Variants in TXLNB observed in about 807,000 individuals in gnomAD.
The protein encoded by TXLNB is beta-taxilin.
A neutral mutation model predicts 57.4 loss-of-function variants in TXLNB; 37 were observed. The ratio of observed to expected loss-of-function variants is 0.64; its 90% confidence interval spans 0.50 to 0.85. The LOEUF (loss-of-function observed/expected upper bound fraction) is 0.85. Ranked by LOEUF, TXLNB falls within the 40% of genes least tolerant of loss-of-function variation. The pLI, the probability that TXLNB is intolerant of heterozygous loss-of-function variation, is 0.00. For synonymous variants in TXLNB, 302 were observed against 309.6 expected, an observed-to-expected ratio of 0.98 and a Z score of 0.26; for missense variants, 848 against 825.6, an observed-to-expected ratio of 1.03 and a Z score of -0.33.
the TXLNB span, among the ~76,000 whole-genome samples, chr6:139,316,155 C>A: frequency 6.6e-6 from 1 of 152,182 alleles, no homozygotes; most frequent in South Asian, 2.1e-4. Context: ...TCGGCCTAAG[C>A]CCTCTCTTCT....
chr6:139,199,099 G>C, the TXLNB span, among the ~76,000 whole-genome samples: 1 of 151,472 alleles, frequency 6.6e-6, no homozygotes, highest in Admixed American at 6.6e-5. Context: ...ATCCTGACTG[G>C]TGTAGCCTAC....
At chr6:139,309,772 C>T in the TXLNB span, among the ~76,000 whole-genome samples, 1 of 151,654 alleles carries the variant, frequency 6.6e-6, no homozygotes, top group Non-Finnish European at 1.5e-5. Flanking sequence ...TAGATAAATA[C>T]ATTAATTAAT....
chr6:139,271,797 G>C (rs1456997295), intron 3 of TXLNB: 1 of 152,404 alleles, frequency 6.6e-6, no homozygotes, highest in African/African-American at 2.4e-5. Flanking sequence ...GCAGCCCTTT[G>C]TCCAGAGCCA....
At chr6:139,174,753 T>C in the TXLNB span, 1 of 564,212 alleles carries the variant, frequency 1.8e-6, no homozygotes, top group Admixed American at 4.2e-5. Flanking sequence ...GCATTTCCAG[T>C]ATATTAGGTC....
intron 1 of TXLNB, among the ~76,000 whole-genome samples, chr6:139,289,791 A>C (rs9484260): frequency 0.38 from 57,347 of 152,062 alleles, 13,036 homozygotes; most frequent in African/African-American, 0.65. Flanking sequence ...ATGTTTAAAT[A>C]TAAAGTGGTA....
At chr6:139,179,311 A>T in the TXLNB span, 1 of 152,222 alleles carries the variant, frequency 6.6e-6, no homozygotes, top group Non-Finnish European at 1.5e-5. Flanking sequence ...AAAATTTTAT[A>T]GTGAAACCTG....
the TXLNB span, among the ~76,000 whole-genome samples, chr6:139,215,627 G>A: frequency 1.3e-5 from 2 of 152,080 alleles, no homozygotes; most frequent in Admixed American, 1.3e-4. Context: ...TTGACAAATG[G>A]GATCTAATTA....
intron 6 of TXLNB, 112 bp from the exon 7 acceptor site, chr6:139,255,750 AT>A (rs1384057677): frequency 5.3e-6 from 4 of 750,892 alleles, no homozygotes; most frequent in Non-Finnish European, 8.7e-6. Context: ...TCCTTAAGTA[AT>A]TTTTTGGAAC....
the TXLNB span, chr6:139,166,960 G>A: frequency 6.2e-7 from 1 of 1,614,192 alleles, no homozygotes; most frequent in Non-Finnish European, 8.5e-7. Context: ...GGGGCCATGT[G>A]TTCAGAAATG....
At chr6:139,176,974 G>T in the TXLNB span, 1 of 872,716 alleles carries the variant, frequency 1.1e-6, no homozygotes, top group Non-Finnish European at 2.0e-6. The surrounding 1 kb of genome is among the most constrained non-coding windows in gnomAD (Gnocchi z 4.5). Context: ...TGGGAAGCCG[G>T]TGATCGACGT....
chr6:139,259,655 C>T (rs6903798), intron 6 of TXLNB, among the ~76,000 whole-genome samples: 98,948 of 151,978 alleles, frequency 0.65, 34,203 homozygotes, highest in African/African-American at 0.9. Context: ...TGACCCTTCC[C>T]TGTTTGCTTG....
the TXLNB span, among the ~76,000 whole-genome samples, chr6:139,205,868 T>C: frequency 1.1e-4 from 16 of 152,128 alleles, no homozygotes; most frequent in African/African-American, 1.9e-4. Context: ...CCAAGGAACA[T>C]AGTCATCAGG....
At chr6:139,165,404 C>T in the TXLNB span, among the ~76,000 whole-genome samples, 6 of 152,132 alleles carry the variant, frequency 3.9e-5, no homozygotes, top group Non-Finnish European at 1.5e-5. Flanking sequence ...TACATTTACA[C>T]ATCATTGTCA....
In TXLNB at chr6:139,288,868, G is replaced by C; in HGVS notation, c.32C>G (p.Ala11Gly). The C allele has an allele frequency of 6.2e-7, 1 of 1,613,970 alleles. No individual in the cohort carries two copies. The highest frequency in any genetic ancestry group is 8.5e-7 in the Non-Finnish European group (1 of 1,179,988). MEANHSEQLS[A>G]ERQSTPPGDS... ...ACCTGGAGGTGTTGACTGTCGTTCCGCTGAGAGCTGTTCAGAGTGATTAGC... is the reference window on the plus strand; with the variant it reads ...ACCTGGAGGTGTTGACTGTCGTTCCCCTGAGAGCTGTTCAGAGTGATTAGC... Residue 11 changes from alanine (A) to glycine (G), a missense_variant, in exon 2 of 10, where the codon GCG becomes GGG. Physicochemically the swap from Ala to Gly is moderately conservative, Grantham distance 60 (BLOSUM62 0). Coordinates refer to ENST00000358430, the MANE Select transcript of TXLNB (RefSeq NM_153235.4).
intron 2 of TXLNB, among the ~76,000 whole-genome samples, chr6:139,287,917 T>C (rs987476530): frequency 7.2e-5 from 11 of 152,230 alleles, no homozygotes. Flanking sequence ...AGACCATGAT[T>C]TATTTATCTT....
chr6:139,188,809 C>T, the TXLNB span, among the ~76,000 whole-genome samples: 17 of 150,134 alleles, frequency 1.1e-4, no homozygotes, highest in African/African-American at 4.3e-4. Flanking sequence ...GGCTGGAATA[C>T]AATGGCATGA....
intron 9 of TXLNB, 38 bp downstream of exon 9, chr6:139,244,557 G>T: frequency 7.5e-7 from 1 of 1,328,646 alleles, no homozygotes; most frequent in Non-Finnish European, 1.1e-6. Context: ...GTTTTGACTA[G>T]ACAGAGGGGA....
chr6:139,204,213 T>C, the TXLNB span, among the ~76,000 whole-genome samples: 10 of 152,098 alleles, frequency 6.6e-5, no homozygotes, highest in Non-Finnish European at 1.5e-4. Context: ...AGGGCTACCA[T>C]GCCCGGCTAA....
At chr6:139,258,824 G>A (rs1197526446) in intron 6 of TXLNB, among the ~76,000 whole-genome samples, 2 of 152,114 alleles carry the variant, frequency 1.3e-5, no homozygotes, top group African/African-American at 2.4e-5. Flanking sequence ...GGGAACAGAC[G>A]CACATAAGAT....
Sources: gnomAD v4.1 joint callset for allele counts (sites outside exome capture counted in the v4.1 genomes callset) on GRCh38, gnomAD v4.1.1 for gene constraint, Gnocchi (gnomAD v3.1) non-coding constraint, MANE v1.5 for transcripts, NCBI Gene and HGNC (gene_info 2026-07-23, HGNC 2026-07-21) for gene names.